The following SDK1 variants were observed in gnomAD, a reference collection of about 807,000 sequenced individuals.
The protein encoded by SDK1 is sidekick cell adhesion molecule 1, also known as protein sidekick-1.
SDK1 carries 157 observed loss-of-function variants against 245.5 expected under a neutral mutation model. The ratio of observed to expected loss-of-function variants is 0.64; its 90% CI spans 0.56 to 0.73. The LOEUF is 0.73. SDK1 is among the 30% of genes least tolerant of loss of function. SDK1 has a pLI of 0.00. For missense variants in SDK1, 3,583 were observed against 3,002.3 expected (o/e 1.19, Z -4.52); for synonymous variants, 1,647 against 1,278.5 (o/e 1.29, Z -6.15).
At chr7:3,580,148 C>A (rs1780433446) in intron 1 of SDK1, among the ~76,000 whole-genome samples, 1 of 152,052 alleles carries the variant, frequency 6.6e-6, no homozygotes, top group Non-Finnish European at 1.5e-5. Flanking sequence ...AGAGATGACA[C>A]AAACAAATAG....
chr7:3,639,006 A>T lies in SDK1; in HGVS notation c.461A>T (p.Tyr154Phe). The T allele has an allele frequency of 1.3e-6, 2 of 1,591,970 alleles. No homozygotes were observed. Among genetic ancestry groups the T allele is most frequent in the Non-Finnish European group, 1.7e-6 (2 of 1,163,214 alleles). Residue 154 changes from tyrosine to phenylalanine, a missense_variant and splice_region_variant, in exon 3 of 45, where the codon TAC (tyrosine) becomes TTC (phenylalanine). Physicochemically the swap from Tyr to Phe is conservative, Grantham distance 22 (BLOSUM62 3). Coordinates refer to ENST00000404826, the MANE Select transcript of SDK1 (RefSeq NM_152744.4). ...CACTTCTTTTTGCTATTCAACAGGT[A>T]CATTATTCCATCTTTGCAGAAGCTC... is the stretch of plus-strand genomic sequence containing the variant. ...ELTTYSSEYK[Y>F]IIPSLQKLDA... is the part of the protein sequence containing the mutation.
intron 1 of SDK1, among the ~76,000 whole-genome samples, chr7:3,510,627 A>C (rs934909782): frequency 6.6e-6 from 1 of 152,188 alleles, no homozygotes; most frequent in African/African-American, 2.4e-5. Context: ...TTTAGTGGCA[A>C]GACAAGTAAT....
intron 14 of SDK1, 151 bp from the exon 15 acceptor site, chr7:4,010,815 T>G: frequency 1.3e-6 from 1 of 789,106 alleles, no homozygotes; most frequent in Non-Finnish European, 2.0e-6. Flanking sequence ...AGCCTCAGTT[T>G]CCACACCTGC....
At chr7:3,456,396 A>G (rs542228520) in intron 1 of SDK1, among the ~76,000 whole-genome samples, 21 of 152,052 alleles carry the variant, frequency 1.4e-4, no homozygotes, top group African/African-American at 5.1e-4. Context: ...AGGTTCAGTC[A>G]TTTTTCTCCC....
chr7:3,858,618 G>A (rs893970282), intron 5 of SDK1, among the ~76,000 whole-genome samples: 15 of 151,916 alleles, frequency 9.9e-5, no homozygotes, highest in South Asian at 2.1e-4. Flanking sequence ...TTGTTGTTGT[G>A]TAGCAGGGGG....
Position 4,268,465 on chromosome 7 carries a change from C to T in SDK1, c.*3081C>T. ...CAGCCTGCTTTTATAAGGCGCACTT[C>T]ACTCAATGCTGTAGCCAAAAAACGA... On this transcript the variant is annotated 3_prime_UTR_variant, in exon 45 of 45. Coordinates refer to ENST00000404826, the MANE Select transcript of SDK1 (RefSeq NM_152744.4). 1 of 1,155,214 alleles carries T rather than the reference C, an allele frequency of 8.7e-7. No homozygotes were observed. The allele number at this position is 1,155,214 out of a possible 1,614,324, so 71.6% of individuals were successfully genotyped here.
At chr7:3,907,976 G>A (rs993968071) in intron 5 of SDK1, among the ~76,000 whole-genome samples, 1 of 152,036 alleles carries the variant, frequency 6.6e-6, no homozygotes, top group African/African-American at 2.4e-5. Context: ...GTTGTTGTTG[G>A]CTTGGGGCTT....
chr7:3,447,661 T>A (rs1780382677), intron 1 of SDK1, among the ~76,000 whole-genome samples: 1 of 151,972 alleles, frequency 6.6e-6, no homozygotes, highest in African/African-American at 2.4e-5. Flanking sequence ...TTGTTTCTGT[T>A]ATAAACAATG....
intron 1 of SDK1, among the ~76,000 whole-genome samples, chr7:3,380,277 A>G (rs945151757): frequency 6.6e-6 from 1 of 152,248 alleles, no homozygotes; most frequent in Admixed American, 6.5e-5. Flanking sequence ...GATTGGTGAC[A>G]AAGCTGACTT....
At chr7:3,971,656 G>T (rs1782496806) in intron 12 of SDK1, 88 bp downstream of exon 12, 1 of 998,636 alleles carries the variant, frequency 1.0e-6, no homozygotes. Flanking sequence ...AAGAATTGGG[G>T]GAACTTTTGA....
intron 1 of SDK1, among the ~76,000 whole-genome samples, chr7:3,537,791 A>G (rs1225513998): frequency 1.3e-5 from 2 of 152,150 alleles, no homozygotes; most frequent in Non-Finnish European, 2.9e-5. Flanking sequence ...AGAAGACTGT[A>G]TTCCTCTTCT....
intron 5 of SDK1, among the ~76,000 whole-genome samples, chr7:3,898,598 T>C (rs1429182712): frequency 1.3e-5 from 2 of 152,200 alleles, no homozygotes; most frequent in Non-Finnish European, 2.9e-5. Flanking sequence ...CATCCTGTTG[T>C]CCTTAAGGAA....
intron 5 of SDK1, among the ~76,000 whole-genome samples, chr7:3,845,086 C>A (rs915626156): frequency 1.3e-5 from 2 of 152,066 alleles, no homozygotes; most frequent in Non-Finnish European, 2.9e-5. Flanking sequence ...CTTCGGAGAG[C>A]GGAGGTCGCG....
chr7:3,481,868 C>T (rs1360722245), intron 1 of SDK1, among the ~76,000 whole-genome samples: 3 of 152,142 alleles, frequency 2.0e-5, no homozygotes, highest in Non-Finnish European at 2.9e-5. Context: ...CTGTTGATTG[C>T]ACAGTCTGTT....
At chr7:3,551,216 T>C (rs1779398641) in intron 1 of SDK1, among the ~76,000 whole-genome samples, 1 of 152,238 alleles carries the variant, frequency 6.6e-6, no homozygotes, top group Non-Finnish European at 1.5e-5. Flanking sequence ...CATCTGTGTT[T>C]GTAATGTAGT....
intron 19 of SDK1, among the ~76,000 whole-genome samples, chr7:4,052,781 T>C (rs1778952473): frequency 6.6e-6 from 1 of 152,142 alleles, no homozygotes; most frequent in African/African-American, 2.4e-5. Context: ...ACTCCCTCTG[T>C]AATGAAAGTT....
At chr7:3,449,847 C>G (rs1456102739) in intron 1 of SDK1, among the ~76,000 whole-genome samples, 1 of 152,146 alleles carries the variant, frequency 6.6e-6, no homozygotes, top group Non-Finnish European at 1.5e-5. Context: ...AGTCTTTGCC[C>G]TCCTATAGCT....
intron 25 of SDK1, among the ~76,000 whole-genome samples, chr7:4,124,453 A>T (rs1361796858): frequency 7.3e-5 from 11 of 150,976 alleles, no homozygotes. Context: ...CTCCCATGGC[A>T]CTCTCCCTGT....
chr7:3,810,352 G>C (rs137897791), intron 4 of SDK1, among the ~76,000 whole-genome samples: 1 of 151,342 alleles, frequency 6.6e-6, no homozygotes, highest in East Asian at 1.9e-4. Context: ...TTTTTTCCTG[G>C]AATTTTTATT....
Sources: allele counts gnomAD v4.1 joint callset (sites outside exome capture counted in the v4.1 genomes callset), GRCh38; gene constraint gnomAD v4.1.1; transcripts MANE v1.5; gene names NCBI Gene and HGNC (gene_info 2026-07-23, HGNC 2026-07-21).